PLCE1: variants seen among roughly 807,000 people sequenced by gnomAD.
PLCE1 encodes the protein phospholipase C epsilon 1.
Under a neutral mutation model 242.8 loss-of-function variants are expected in PLCE1, and 119 were observed. The observed-to-expected ratio is 0.49, with a 90% CI of 0.42 to 0.57. The LOEUF (loss-of-function observed/expected upper bound fraction) is 0.57, where lower values mean the gene tolerates loss of function less well. Among genes scored for constraint, PLCE1 ranks in the 20% least tolerant of loss-of-function variants. The pLI is 0.00. For missense variants in PLCE1, 2,441 were observed against 2,788.8 expected (o/e 0.88, Z 2.81); for synonymous variants, 945 against 1,017.4 (o/e 0.93, Z 1.35).
intron 2 of PLCE1, among the ~76,000 whole-genome samples, chr10:94,047,319 G>C (rs1296040667): frequency 6.6e-6 from 1 of 152,166 alleles, no homozygotes; most frequent in Non-Finnish European, 1.5e-5. Context: ...GTTCCTGCCA[G>C]GGGCCAGAAT....
intron 2 of PLCE1, among the ~76,000 whole-genome samples, chr10:94,033,945 A>G (rs2061613406): frequency 6.6e-6 from 1 of 152,110 alleles, no homozygotes; most frequent in African/African-American, 2.4e-5. Context: ...GTCTGTTCTC[A>G]TGCTGCTAAT....
intron 3 of PLCE1, among the ~76,000 whole-genome samples, chr10:94,168,515 A>G (rs79894061): frequency 0.01 from 1,555 of 152,300 alleles, 7 homozygotes; most frequent in Non-Finnish European, 0.016. Context: ...ATACATGCTT[A>G]TACTGGGACC....
intron 2 of PLCE1, among the ~76,000 whole-genome samples, chr10:94,055,214 T>G (rs1181216206): frequency 2.0e-5 from 3 of 151,628 alleles, no homozygotes; most frequent in Non-Finnish European, 4.4e-5. Flanking sequence ...AAGGATTAAG[T>G]TAATGTTTTA....
intron 2 of PLCE1, among the ~76,000 whole-genome samples, chr10:94,113,357 A>G (rs942046036): frequency 1.3e-5 from 2 of 152,138 alleles, no homozygotes; most frequent in African/African-American, 4.8e-5. Context: ...GAAGAAACTC[A>G]GTACTATACA....
chr10:94,032,925 C>G (rs2061589742), intron 2 of PLCE1, among the ~76,000 whole-genome samples: 1 of 151,706 alleles, frequency 6.6e-6, no homozygotes. Flanking sequence ...TCATCTGTAT[C>G]CACAGATTCA....
intron 2 of PLCE1, among the ~76,000 whole-genome samples, chr10:94,035,929 C>T (rs892421759): frequency 2.0e-5 from 3 of 152,006 alleles, no homozygotes; most frequent in African/African-American, 7.3e-5. Flanking sequence ...GATTGTAAAT[C>T]GATTAAGGAC....
At chr10:94,269,238 A>T (rs1014543499) in intron 17 of PLCE1, among the ~76,000 whole-genome samples, 2 of 151,082 alleles carry the variant, frequency 1.3e-5, no homozygotes, top group African/African-American at 4.9e-5. Context: ...AGTAGCTAGG[A>T]TTACAAGCCC....
At position 94,031,028 on chromosome 10, in the gene PLCE1, A is replaced by G; in HGVS notation, c.-19A>G. 1 of 1,613,138 alleles carries G rather than the reference A, an allele frequency of 6.2e-7. No individual in the cohort carries two copies. Among genetic ancestry groups the G allele is most frequent in the Middle Eastern group, 1.7e-4 (1 of 6,046 alleles). ...GAGGAAAAATAGAGCAATAGTCAAAACCTGTGTGTTAGTCCAAGATGACTT... is the reference window on the plus strand; with the variant it reads ...GAGGAAAAATAGAGCAATAGTCAAAGCCTGTGTGTTAGTCCAAGATGACTT... On this transcript the variant is annotated 5_prime_UTR_variant, in exon 2 of 33. Transcript: ENST00000371380.
intron 1 of PLCE1, among the ~76,000 whole-genome samples, chr10:94,022,824 C>G (rs2061395481): frequency 6.6e-6 from 1 of 152,122 alleles, no homozygotes; most frequent in South Asian, 2.1e-4. Flanking sequence ...AGACTGGAAG[C>G]CCTTAAGTAA....
At chr10:94,005,736 C>A (rs964335383) in intron 1 of PLCE1, among the ~76,000 whole-genome samples, 5 of 152,204 alleles carry the variant, frequency 3.3e-5, no homozygotes, top group African/African-American at 1.2e-4. Context: ...GTGAGTAGAA[C>A]CTTAATCAAA....
At chr10:94,171,111 C>G in intron 3 of PLCE1, 69 bp from the exon 4 acceptor site, 15 of 1,261,060 alleles carry the variant, frequency 1.2e-5, no homozygotes, top group Admixed American at 1.7e-5. Flanking sequence ...TGGAATGGCT[C>G]TCAAGTAAAT....
At chr10:94,318,238 T>C (rs1371538241) in intron 29 of PLCE1, among the ~76,000 whole-genome samples, 1 of 152,210 alleles carries the variant, frequency 6.6e-6, no homozygotes, top group Non-Finnish European at 1.5e-5. Context: ...CAGGCAACCC[T>C]AATAATAATC....
intron 3 of PLCE1, among the ~76,000 whole-genome samples, chr10:94,150,078 T>G (rs1204693721): frequency 6.6e-6 from 1 of 152,202 alleles, no homozygotes; most frequent in Non-Finnish European, 1.5e-5. Context: ...GTTGCTAACT[T>G]TCATGTGCTT....
At chr10:94,023,143 GAACA>G (rs2061402641) in intron 1 of PLCE1, among the ~76,000 whole-genome samples, 1 of 152,124 alleles carries the variant, frequency 6.6e-6, no homozygotes, top group Admixed American at 6.6e-5. Flanking sequence ...GAGGGCTGCA[GAACA>G]AAGATGGCAT....
Position 94,325,025 on chromosome 10 carries a change from A to T in PLCE1, c.6854A>T (p.Glu2285Val). 1 of 1,614,152 alleles carries T rather than the reference A, an allele frequency of 6.2e-7. No homozygotes were observed. Among genetic ancestry groups the T allele is most frequent in the African/African-American group, 1.3e-5 (1 of 75,052 alleles). The change falls in exon 32 of 33, where the codon GAG becomes GTG. Residue 2285 changes from glutamate to valine, a missense_variant. Physicochemically the swap from Glu to Val is moderately radical, Grantham distance 121 (BLOSUM62 -2). Around this residue, in one of 5 missense-constraint regions of PLCE1, gnomAD observed 310 missense variants for 317.2 expected, o/e 0.98. Coordinates refer to ENST00000371380, the MANE Select transcript of PLCE1 (RefSeq NM_016341.4). ...ACCTCAGAAAGTATCCAAACCAAGGAGGAGAAACCTGTGGGTGGCTTGTCC... is the reference window on the plus strand; with the variant it reads ...ACCTCAGAAAGTATCCAAACCAAGGTGGAGAAACCTGTGGGTGGCTTGTCC... Reference protein sequence around the residue: ...LLTSESIQTKEEKPVGGLSSS... With the variant: ...LLTSESIQTKVEKPVGGLSSS...
At chr10:94,288,697 GC>G (rs928423473) in intron 22 of PLCE1, among the ~76,000 whole-genome samples, 1 of 152,174 alleles carries the variant, frequency 6.6e-6, no homozygotes. Flanking sequence ...CAGAGCAGGT[GC>G]CCAGGGATTC....
rs1360823603 is a variant in PLCE1 at position 94,313,126 on chromosome 10, A to G, written c.6004-128A>G. Reference sequence around the variant, plus strand: ...GTACCATTTGTAGCACTAGGCTACAAATGGACTCTCATCTTTTGCATTTAC... The same window carrying G: ...GTACCATTTGTAGCACTAGGCTACAGATGGACTCTCATCTTTTGCATTTAC... On this transcript the variant is annotated intron_variant, in intron 27 of 32. Coordinates refer to ENST00000371380, the MANE Select transcript of PLCE1 (RefSeq NM_016341.4). The G allele has an allele frequency of 1.9e-5, 21 of 1,077,120 alleles. No homozygotes were observed. The African/African-American group carries it at 2.6e-4, about 14-fold the overall frequency. The allele number at this position is 1,077,120 out of a possible 1,614,324, so 66.7% of individuals were successfully genotyped here. A position where few individuals can be genotyped will look rare whatever the true frequency, so the allele number is the denominator to read the frequency against.
chr10:94,068,229 A>G (rs951112302), intron 2 of PLCE1, among the ~76,000 whole-genome samples: 17 of 152,162 alleles, frequency 1.1e-4, no homozygotes, highest in African/African-American at 2.7e-4. Flanking sequence ...CACCATCTCA[A>G]TGAAGCCCCT....
At chr10:94,245,242 C>G (rs2050637216) in intron 7 of PLCE1, among the ~76,000 whole-genome samples, 1 of 152,206 alleles carries the variant, frequency 6.6e-6, no homozygotes, top group East Asian at 1.9e-4. Flanking sequence ...TTCTGAACCT[C>G]GGTTTCCTCA....
Sources: gnomAD v4.1 joint callset for allele counts (sites outside exome capture counted in the v4.1 genomes callset) on GRCh38, gnomAD v4.1.1 for gene constraint, gnomAD v4.1.1 regional missense constraint, MANE v1.5 for transcripts, NCBI Gene and HGNC (gene_info 2026-07-23, HGNC 2026-07-21) for gene names.